RMST: variants seen among roughly 807,000 people sequenced by gnomAD.
The protein encoded by RMST is long intergenic non-protein coding RNA 54.
intron 5 of RMST, among the ~76,000 whole-genome samples, chr12:97,485,150 C>T (rs1183779673): frequency 6.6e-6 from 1 of 152,110 alleles, no homozygotes; most frequent in Non-Finnish European, 1.5e-5. Context: ...AGACCTGTGA[C>T]TATTAAAAAT....
At chr12:97,520,942 T>C (rs1005367543) in intron 10 of RMST, among the ~76,000 whole-genome samples, 1 of 152,178 alleles carries the variant, frequency 6.6e-6, no homozygotes, top group African/African-American at 2.4e-5. Context: ...GAAAATCAGT[T>C]AGAATCAGAA....
At chr12:97,501,488 G>T (rs1444888051) in intron 10 of RMST, among the ~76,000 whole-genome samples, 1 of 152,162 alleles carries the variant, frequency 6.6e-6, no homozygotes, top group Non-Finnish European at 1.5e-5. Flanking sequence ...TTCTCCAGAG[G>T]ACAGGCTCAT....
At chr12:97,508,480 G>T (rs771348656) in intron 10 of RMST, among the ~76,000 whole-genome samples, 8 of 152,124 alleles carry the variant, frequency 5.3e-5, no homozygotes, top group Non-Finnish European at 4.4e-5. Context: ...GAGGAAGAAA[G>T]GTGGTCAGCT....
intron 10 of RMST, among the ~76,000 whole-genome samples, chr12:97,507,931 C>T (rs1256500657): frequency 6.6e-6 from 1 of 152,030 alleles, no homozygotes; most frequent in African/African-American, 2.4e-5. Flanking sequence ...CACAAGGAAG[C>T]GAGAGACACT....
At chr12:97,543,433 T>C (rs528969174) in intron 11 of RMST, among the ~76,000 whole-genome samples, 1 of 152,144 alleles carries the variant, frequency 6.6e-6, no homozygotes, top group African/African-American at 2.4e-5. Context: ...ACTGGCGATT[T>C]TTCTGCCCTG....
intron 11 of RMST, among the ~76,000 whole-genome samples, chr12:97,540,414 T>A (rs1490637408): frequency 1.3e-5 from 2 of 151,804 alleles, no homozygotes; most frequent in Non-Finnish European, 3.0e-5. Flanking sequence ...TGGTTTATTG[T>A]CTGACCGAAG....
intron 11 of RMST, among the ~76,000 whole-genome samples, chr12:97,535,933 A>G (rs1003858723): frequency 6.6e-6 from 1 of 151,642 alleles, no homozygotes; most frequent in Non-Finnish European, 1.5e-5. Context: ...AGTTTAGTTC[A>G]TTGAAAACCA....
At chr12:97,552,286 T>A (rs891506682) in intron 11 of RMST, 18 of 152,340 alleles carry the variant, frequency 1.2e-4, no homozygotes, top group African/African-American at 4.3e-4. Flanking sequence ...CAGAAATTTT[T>A]AAATAAAGTC....
At chr12:97,511,298 G>A (rs997778067) in intron 10 of RMST, among the ~76,000 whole-genome samples, 1 of 152,018 alleles carries the variant, frequency 6.6e-6, no homozygotes, top group African/African-American at 2.4e-5. Flanking sequence ...ACAGGCACGT[G>A]CCACTACATG....
At chr12:97,520,512 T>C (rs1054412586) in intron 10 of RMST, among the ~76,000 whole-genome samples, 3 of 152,094 alleles carry the variant, frequency 2.0e-5, no homozygotes, top group Non-Finnish European at 4.4e-5. Flanking sequence ...TAAATTAAAT[T>C]TAAAATTATA....
intron 10 of RMST, among the ~76,000 whole-genome samples, chr12:97,526,924 C>T (rs1231630989): frequency 6.6e-6 from 1 of 152,012 alleles, no homozygotes; most frequent in Non-Finnish European, 1.5e-5. Flanking sequence ...ATAATAGCAC[C>T]ATGAGATGTT....
At chr12:97,506,553 C>T (rs950310755) in intron 10 of RMST, among the ~76,000 whole-genome samples, 1 of 150,506 alleles carries the variant, frequency 6.6e-6, no homozygotes, top group Non-Finnish European at 1.5e-5. Flanking sequence ...AATTGCCAGA[C>T]AAAGTAGAGA....
At chr12:97,523,887 T>C (rs113805973) in intron 10 of RMST, among the ~76,000 whole-genome samples, 6 of 151,262 alleles carry the variant, frequency 4.0e-5, no homozygotes, top group Non-Finnish European at 8.9e-5. Context: ...ACCATCCTGG[T>C]TAACACGGTG....
chr12:97,561,343 CTG>C (rs1441334010), intron 13 of RMST, among the ~76,000 whole-genome samples: 7 of 152,012 alleles, frequency 4.6e-5, no homozygotes, highest in African/African-American at 7.3e-5. Flanking sequence ...GTTTATGTCT[CTG>C]TGTCTGTATG....
At chr12:97,523,974 A>G (rs1433738952) in intron 10 of RMST, among the ~76,000 whole-genome samples, 7 of 148,328 alleles carry the variant, frequency 4.7e-5, no homozygotes, top group Non-Finnish European at 7.5e-5. Flanking sequence ...TACTTGGGAG[A>G]CTGAAGCGGG....
chr12:97,536,282 T>A (rs543689178), intron 11 of RMST, among the ~76,000 whole-genome samples: 6 of 150,518 alleles, frequency 4.0e-5, no homozygotes. Flanking sequence ...TGCTGCAATG[T>A]GAGGAAAAAA....
At chr12:97,482,778 T>G (rs924848950) in intron 5 of RMST, among the ~76,000 whole-genome samples, 1 of 141,632 alleles carries the variant, frequency 7.1e-6, no homozygotes, top group African/African-American at 2.7e-5. Context: ...ATTTATTTAT[T>G]AAATAAATTT....
At chr12:97,498,568 A>G (rs1877723700) in intron 10 of RMST, among the ~76,000 whole-genome samples, 1 of 150,976 alleles carries the variant, frequency 6.6e-6, no homozygotes, top group Non-Finnish European at 1.5e-5. Flanking sequence ...CATATCTTCT[A>G]TATACAATTT....
At chr12:97,563,510 G>A (rs1300576478) in intron 13 of RMST, 1 of 292,752 alleles carries the variant, frequency 3.4e-6, no homozygotes, top group Non-Finnish European at 6.6e-6. Flanking sequence ...CTTTCCGTAT[G>A]TGTTTCCAAG....
Sources: gnomAD v4.1 joint callset for allele counts (sites outside exome capture counted in the v4.1 genomes callset) on GRCh38, gnomAD v4.1.1 for gene constraint, MANE v1.5 for transcripts, NCBI Gene and HGNC (gene_info 2026-07-23, HGNC 2026-07-21) for gene names.